The following CGGBP1 variants were observed in gnomAD, a reference collection of about 807,000 sequenced individuals.
The protein encoded by CGGBP1 is CGG triplet repeat binding protein 1.
A neutral mutation model predicts 11.4 loss-of-function variants in CGGBP1; 4 were observed. The observed-to-expected ratio is 0.35, with a 90% CI of 0.17 to 0.80. The LOEUF is 0.80. CGGBP1 is among the 30% of genes least tolerant of loss of function. CGGBP1 has a pLI of 0.52. For missense variants in CGGBP1, 135 were observed against 202.1 expected (o/e 0.67, Z 2.01); for synonymous variants, 76 against 74.1 (o/e 1.03, Z -0.13).
At position 88,083,941 on chromosome 3, in the gene CGGBP1, T is replaced by TTATA. The variant is rs78670676; in HGVS notation, c.-228-25722_-228-25719dup. Among the ~76,000 whole-genome samples, 179 of 147,800 alleles carry TTATA rather than the reference T, an allele frequency of 1.2e-3. 4 individuals carry two copies. The highest frequency in any genetic ancestry group is 8.2e-3 in the East Asian group (42 of 5,108). ...AATAGGACAATGTAATGTACTTATT[T>TTATA]TATATATATATATATATATATATAT... On this transcript the variant is annotated intron_variant, in intron 2 of 3. Transcript: ENST00000462901.
chr3:88,123,120 C>T (rs1203267376), intron 2 of CGGBP1, among the ~76,000 whole-genome samples: 1 of 151,960 alleles, frequency 6.6e-6, no homozygotes, highest in Admixed American at 6.6e-5. Flanking sequence ...TCCTTATTCA[C>T]TTCGAGGTTT....
intron 2 of CGGBP1, among the ~76,000 whole-genome samples, chr3:88,080,489 A>G (rs911904914): frequency 1.2e-4 from 18 of 152,102 alleles, no homozygotes; most frequent in African/African-American, 3.9e-4. Context: ...CCTGTGATTA[A>G]AGTGATATTA....
At chr3:88,132,133 T>C (rs1453238546) in intron 2 of CGGBP1, among the ~76,000 whole-genome samples, 2 of 152,164 alleles carry the variant, frequency 1.3e-5, no homozygotes, top group Non-Finnish European at 2.9e-5. Context: ...TTCAATATTG[T>C]GTTCAAGCCA....
chr3:88,101,485 A>G (rs1704423655), intron 2 of CGGBP1, among the ~76,000 whole-genome samples: 1 of 152,180 alleles, frequency 6.6e-6, no homozygotes, highest in South Asian at 2.1e-4. Flanking sequence ...CACTTAGAAT[A>G]ATGTTCTTGA....
rs548316857 is a variant in CGGBP1, at chr3:88,121,646, T to C, written c.-229+19324A>G. On this transcript the variant is annotated intron_variant, in intron 2 of 3. Transcript: ENST00000462901. ...GCATAACATCCTTAAATTTTATAAC[T>C]TTATGAAGTGCTTTGCTATGAGATA... 5.1e-4 allele frequency among the ~76,000 whole-genome samples: 78 copies of C among 152,320 alleles called. No individual in the cohort carries two copies. In the East Asian group the frequency reaches 0.012, roughly 24 times the overall value.
chr3:88,076,156 C>T (rs1046153534), intron 2 of CGGBP1, among the ~76,000 whole-genome samples: 5 of 152,130 alleles, frequency 3.3e-5, no homozygotes, highest in Non-Finnish European at 1.5e-5. Context: ...TTTTATATTA[C>T]TTGTATAGTA....
chr3:88,053,699 C>G lies in CGGBP1; in HGVS notation c.*1774G>C, dbSNP rs564782922. 1 of 152,508 alleles carries G rather than the reference C, an allele frequency of 6.6e-6. No individual in the cohort carries two copies. The highest frequency in any genetic ancestry group is 1.5e-5 in the Non-Finnish European group (1 of 67,960). 9.4% of individuals were successfully genotyped at this position (152,508 alleles called of 1,614,324 possible). ...TGCTATAAAACTCAATTATTCCTAG[C>G]TTCTAAAATCTACCATCTTAGATAG... On this transcript the variant is annotated 3_prime_UTR_variant, in exon 4 of 4. Transcript: ENST00000482016.
chr3:88,066,829 G>T (rs1707228830), intron 2 of CGGBP1, among the ~76,000 whole-genome samples: 1 of 152,120 alleles, frequency 6.6e-6, no homozygotes, highest in Non-Finnish European at 1.5e-5. Context: ...GAAACCTGTA[G>T]TAAAATATGT....
At chr3:88,141,222 T>C (rs1407029929) in intron 1 of CGGBP1, 5 of 751,508 alleles carry the variant, frequency 6.7e-6, no homozygotes, top group Non-Finnish European at 8.1e-6. Context: ...GTGATACTAA[T>C]ATTCCTGTTT....
At chr3:88,124,551 A>G (rs1338276948) in intron 2 of CGGBP1, among the ~76,000 whole-genome samples, 1 of 152,240 alleles carries the variant, frequency 6.6e-6, no homozygotes, top group African/African-American at 2.4e-5. Flanking sequence ...AATCTCAGCA[A>G]ATTATGAAAG....
intron 2 of CGGBP1, among the ~76,000 whole-genome samples, chr3:88,100,920 T>C (rs1399094778): frequency 6.6e-6 from 1 of 152,198 alleles, no homozygotes; most frequent in African/African-American, 2.4e-5. Context: ...GTAACAAACC[T>C]GCACGTTGTG....
At position 88,133,624 on chromosome 3, in the gene CGGBP1, A is replaced by T. The variant is rs143489347; in HGVS notation, c.-229+7346T>A. On this transcript the variant is annotated intron_variant, in intron 2 of 3. Coordinates refer to the CGGBP1 transcript ENST00000462901. The stretch of plus-strand genomic sequence containing the variant: ...CATAAACAAAAGTGAGAATAAATGA[A>T]GCAGTTTAGCTGAGAGTTAGGAGTT... Among the ~76,000 whole-genome samples, 11 of 152,306 alleles carry T rather than the reference A, an allele frequency of 7.2e-5. No homozygotes were observed. In the East Asian group the frequency reaches 1.5e-3, roughly 21 times the overall value.
At chr3:88,140,918 G>A (rs758197083) in intron 2 of CGGBP1, 1 of 1,613,532 alleles carries the variant, frequency 6.2e-7, no homozygotes, top group Non-Finnish European at 8.5e-7. Flanking sequence ...AAGATAACGT[G>A]TATAAAAAAT....
chr3:88,126,196 T>C, intron 2 of CGGBP1: 2 of 1,531,154 alleles, frequency 1.3e-6, no homozygotes, highest in South Asian at 1.2e-5. Context: ...CTCGAATCAT[T>C]AGAGATGGTG....
intron 2 of CGGBP1, among the ~76,000 whole-genome samples, chr3:88,111,815 C>T (rs1247020434): frequency 6.6e-6 from 1 of 151,850 alleles, no homozygotes; most frequent in African/African-American, 2.4e-5. Context: ...TTCTATACAC[C>T]AAAGCCATCA....
chr3:88,091,151 A>G (rs746580095), intron 2 of CGGBP1, among the ~76,000 whole-genome samples: 1 of 152,208 alleles, frequency 6.6e-6, no homozygotes, highest in East Asian at 1.9e-4. Context: ...CACAAGGACA[A>G]AATCACCTAA....
In CGGBP1 at chr3:88,130,515, G is replaced by A. The variant is rs551020491; in HGVS notation, c.-229+10455C>T. ...CTCTCAGGCTAGAATACAGTGGTGC[G>A]ATCATGGCTCACTGCAGCCTCAACT... is the stretch of plus-strand genomic sequence containing the variant. On this transcript the variant is annotated intron_variant, in intron 2 of 3. Coordinates refer to the CGGBP1 transcript ENST00000462901. Among the ~76,000 whole-genome samples the A allele has an allele frequency of 5.3e-5, 8 of 151,858 alleles. 1 individual carries two copies. Among genetic ancestry groups the A allele is most frequent in the Admixed American group, 4.6e-4 (7 of 15,210 alleles).
intron 2 of CGGBP1, among the ~76,000 whole-genome samples, chr3:88,138,492 A>G (rs1282128580): frequency 3.3e-5 from 5 of 152,170 alleles, no homozygotes; most frequent in Admixed American, 3.3e-4. Flanking sequence ...AGAAGCTAAA[A>G]TGCTATCTAT....
chr3:88,133,650 C>T (rs887794891), intron 2 of CGGBP1, among the ~76,000 whole-genome samples: 1 of 152,014 alleles, frequency 6.6e-6, no homozygotes, highest in Non-Finnish European at 1.5e-5. Flanking sequence ...GTTAGGAGTT[C>T]CTGAGATTCA....
Sources: allele counts gnomAD v4.1 joint callset (sites outside exome capture counted in the v4.1 genomes callset), GRCh38; gene constraint gnomAD v4.1.1; transcripts MANE v1.5; gene names NCBI Gene and HGNC (gene_info 2026-07-23, HGNC 2026-07-21).